KIAA1671: variants seen among roughly 807,000 people sequenced by gnomAD.
The protein encoded by KIAA1671 is uncharacterized protein KIAA1671.
A neutral mutation model predicts 131.2 loss-of-function variants in KIAA1671; 52 were observed. The ratio of observed to expected loss-of-function variants is 0.40; its 90% CI spans 0.32 to 0.50. KIAA1671 has a LOEUF of 0.50. Ranked by LOEUF, KIAA1671 falls within the 20% of genes least tolerant of loss-of-function variation. The pLI, the probability that KIAA1671 is intolerant of heterozygous loss-of-function variation, is 0.73. For missense variants in KIAA1671, 2,360 were observed against 2,364.2 expected (o/e 1.00, Z 0.04); for synonymous variants, 1,003 against 961.6 (o/e 1.04, Z -0.80).
intron 6 of KIAA1671, among the ~76,000 whole-genome samples, chr22:25,139,820 T>C (rs1463588425): frequency 2.0e-5 from 3 of 152,056 alleles, no homozygotes; most frequent in African/African-American, 7.2e-5. Flanking sequence ...TCTGCAGATA[T>C]CTAGGAAAAG....
intron 6 of KIAA1671, chr22:25,110,137 G>A (rs567760529): frequency 1.3e-5 from 2 of 152,414 alleles, no homozygotes; most frequent in African/African-American, 2.4e-5. Flanking sequence ...AAAAAAAGAA[G>A]AAGAGAGACA....
chr22:24,989,238 C>T (rs1190931665), intron 1 of KIAA1671, among the ~76,000 whole-genome samples: 1 of 152,222 alleles, frequency 6.6e-6, no homozygotes, highest in East Asian at 1.9e-4. Flanking sequence ...ACCCCGTCTC[C>T]CACCTGGAGG....
intron 1 of KIAA1671, chr22:25,023,995 T>G (rs1018041129): frequency 7.2e-5 from 11 of 152,182 alleles, no homozygotes; most frequent in African/African-American, 9.6e-5. Context: ...GTTCATTGAT[T>G]TATTAATTCA....
chr22:25,103,601 G>C (rs1230710449), intron 6 of KIAA1671, among the ~76,000 whole-genome samples: 1 of 151,742 alleles, frequency 6.6e-6, no homozygotes, highest in African/African-American at 2.4e-5. Context: ...CTCGTGATCT[G>C]CCTGCCTCAG....
intron 7 of KIAA1671, among the ~76,000 whole-genome samples, chr22:25,171,965 A>G (rs1226989945): frequency 6.6e-6 from 1 of 152,112 alleles, no homozygotes; most frequent in Non-Finnish European, 1.5e-5. Context: ...TAAAAATGAT[A>G]AAGTCACCAA....
intron 6 of KIAA1671, chr22:25,051,147 G>A (rs376786684): frequency 2.6e-4 from 39 of 152,402 alleles, no homozygotes; most frequent in African/African-American, 9.1e-4. Flanking sequence ...TAGGTGGGTG[G>A]AGGGACTTAG....
chr22:25,140,392 T>G (rs965389947), intron 6 of KIAA1671, among the ~76,000 whole-genome samples: 2 of 152,216 alleles, frequency 1.3e-5, no homozygotes, highest in African/African-American at 4.8e-5. Context: ...TTTTTTTTTT[T>G]TGAGACGGAG....
intron 2 of KIAA1671, among the ~76,000 whole-genome samples, chr22:25,026,224 G>A (rs1304820575): frequency 2.6e-5 from 4 of 152,086 alleles, no homozygotes; most frequent in African/African-American, 4.8e-5. Context: ...AGTCAGAGCC[G>A]GGGGAGCAGT....
In KIAA1671 at chr22:25,196,375, C is replaced by A. The variant is rs1379652203; in HGVS notation, c.*3974C>A. 1 of 152,132 alleles carries A rather than the reference C, an allele frequency of 6.6e-6. No homozygotes were observed. 9.4% of individuals were successfully genotyped at this position (152,132 alleles called of 1,614,324 possible). ...ATGACTTGGACGGGCACTTCCTTGA[C>A]AATTCCTATTGGCATCACACGGGCT... On this transcript the variant is annotated 3_prime_UTR_variant, in exon 13 of 13. Transcript: ENST00000358431.
At chr22:24,957,997 A>G (rs181773098) in intron 1 of KIAA1671, among the ~76,000 whole-genome samples, 1 of 143,648 alleles carries the variant, frequency 7.0e-6, no homozygotes, top group Non-Finnish European at 1.5e-5. Context: ...AATATTTTAC[A>G]ACAAACCCAG....
intron 6 of KIAA1671, among the ~76,000 whole-genome samples, chr22:25,101,961 G>A (rs1156302956): frequency 1.3e-5 from 2 of 152,166 alleles, no homozygotes; most frequent in African/African-American, 2.4e-5. Context: ...CTGCCCCCAT[G>A]GATATAAGGA....
intron 6 of KIAA1671, among the ~76,000 whole-genome samples, chr22:25,087,744 C>T (rs553525801): frequency 5.9e-5 from 9 of 152,306 alleles, no homozygotes; most frequent in African/African-American, 2.2e-4. Context: ...CAACGTGGTC[C>T]ATTCAGGAGC....
At chr22:24,983,862 T>A (rs1202924496) in intron 1 of KIAA1671, among the ~76,000 whole-genome samples, 2 of 144,554 alleles carry the variant, frequency 1.4e-5, no homozygotes, top group Non-Finnish European at 3.0e-5. Context: ...CACCACAACC[T>A]CCGCCTCCTG....
At chr22:25,094,943 T>C (rs1386347655) in intron 6 of KIAA1671, among the ~76,000 whole-genome samples, 6 of 152,158 alleles carry the variant, frequency 3.9e-5, no homozygotes, top group Non-Finnish European at 7.3e-5. Context: ...CAGCTCTTTA[T>C]TGAGTGTTTT....
intron 6 of KIAA1671, among the ~76,000 whole-genome samples, chr22:25,131,899 A>C (rs1009858676): frequency 9.9e-5 from 15 of 152,222 alleles, no homozygotes; most frequent in African/African-American, 3.4e-4. Context: ...GCATAACCGC[A>C]TAGAGTTGTA....
intron 6 of KIAA1671, among the ~76,000 whole-genome samples, chr22:25,080,361 C>T (rs1601292367): frequency 6.6e-6 from 1 of 152,124 alleles, no homozygotes; most frequent in South Asian, 2.1e-4. Context: ...ACACCAATCC[C>T]TGTTGTGAGA....
At chr22:25,046,559 G>C (rs1329752571) in intron 5 of KIAA1671, among the ~76,000 whole-genome samples, 2 of 148,860 alleles carry the variant, frequency 1.3e-5, no homozygotes, top group East Asian at 3.9e-4. Context: ...ATTTCACATG[G>C]CTCCACTCCA....
At chr22:24,984,362 A>T (rs1032310394) in intron 1 of KIAA1671, among the ~76,000 whole-genome samples, 2 of 152,202 alleles carry the variant, frequency 1.3e-5, no homozygotes. Context: ...AGAAAGCTCA[A>T]GGCCTCAGCT....
Position 25,010,765 on chromosome 22 carries a change from G to C in KIAA1671, c.-207-14868G>C, listed in dbSNP as rs972123237. 2.0e-5 allele frequency: 3 copies of C among 152,070 alleles called. No individual in the cohort carries two copies. In the South Asian group the frequency reaches 6.2e-4, roughly 32 times the overall value. 9.4% of individuals were successfully genotyped at this position (152,070 alleles called of 1,614,324 possible). ...GGAATAGAAACCCAAACCAACAATGGCTTAAATGGGTATATTTTATTATTT... is the reference window on the plus strand; with the variant it reads ...GGAATAGAAACCCAAACCAACAATGCCTTAAATGGGTATATTTTATTATTT... On this transcript the variant is annotated intron_variant, in intron 1 of 12. Transcript: ENST00000358431.
Sources: gnomAD v4.1 joint callset for allele counts (sites outside exome capture counted in the v4.1 genomes callset) on GRCh38, gnomAD v4.1.1 for gene constraint, MANE v1.5 for transcripts, NCBI Gene and HGNC (gene_info 2026-07-23, HGNC 2026-07-21) for gene names.